The following RALGAPB variants were observed in gnomAD, a reference collection of about 807,000 sequenced individuals.
RALGAPB encodes the protein ral GTPase-activating protein subunit beta.
In RALGAPB, 25 loss-of-function variants were observed where a neutral mutation model predicts 161.1. That is an observed-to-expected ratio of 0.16 (90% CI 0.11 to 0.22). The LOEUF (loss-of-function observed/expected upper bound fraction) is 0.22. Among genes scored for constraint, RALGAPB ranks in the 10% least tolerant of loss-of-function variants. The pLI, the probability that RALGAPB is intolerant of heterozygous loss-of-function variation, is 1.00. For missense variants in RALGAPB, 1,391 were observed against 1,815.2 expected (o/e 0.77, Z 4.25); for synonymous variants, 629 against 626.1 (o/e 1.00, Z -0.07).
Position 38,567,087 on chromosome 20 carries a change from A to T in RALGAPB, c.3818-9A>T. 1 of 1,608,592 alleles carries T rather than the reference A, an allele frequency of 6.2e-7. No homozygotes were observed. The highest frequency in any genetic ancestry group is 8.5e-7 in the Non-Finnish European group (1 of 1,177,812). ...GTATTATAGTTGCTTTTTTTCCTTT[A>T]CCCCATAGCTGATTCATTGGAAAGT... On this transcript the variant is annotated splice_polypyrimidine_tract_variant and intron_variant, in intron 25 of 29. Transcript: ENST00000262879.
chr20:38,572,302 A>G (rs2088270290), intron 28 of RALGAPB, among the ~76,000 whole-genome samples: 1 of 152,252 alleles, frequency 6.6e-6, no homozygotes, highest in Non-Finnish European at 1.5e-5. Flanking sequence ...ATGTATTTGT[A>G]TAGGCTTTGT....
At chr20:38,473,188 C>T in intron 1 of RALGAPB, 119 bp downstream of exon 1, 1 of 310,960 alleles carries the variant, frequency 3.2e-6, no homozygotes, top group Non-Finnish European at 5.9e-6. Flanking sequence ...TCCAGGGGCC[C>T]GGCCTTTGGA....
In RALGAPB at chr20:38,517,585, T is replaced by A; in HGVS notation, c.1131T>A (p.Ser377Arg). Residue 377 changes from serine to arginine, a missense_variant, in exon 8 of 30, where the codon AGT (serine) becomes AGA (arginine). This residue lies in a region of RALGAPB where 946 missense variants were observed against 1,257.2 expected (regional missense o/e 0.75). Coordinates refer to ENST00000262879, the MANE Select transcript of RALGAPB (RefSeq NM_020336.4). ...RLSMPQSAAV[S>R]TTPPHNRRHR... ...GTATGCCTCAAAGTGCTGCTGTCAGTACCACCCCCCCACATAACCGGAGGC... is the reference window on the plus strand; with the variant it reads ...GTATGCCTCAAAGTGCTGCTGTCAGAACCACCCCCCCACATAACCGGAGGC... The A allele has an allele frequency of 6.2e-7, 1 of 1,613,978 alleles. No individual in the cohort carries two copies. Among genetic ancestry groups the A allele is most frequent in the East Asian group, 2.2e-5 (1 of 44,878 alleles).
At position 38,487,840 on chromosome 20, in the gene RALGAPB, G is replaced by A. The variant is rs542129795; in HGVS notation, c.-30-563G>A. Among the ~76,000 whole-genome samples the A allele has an allele frequency of 2.0e-5, 3 of 152,298 alleles. No individual in the cohort carries two copies. In the East Asian group the frequency reaches 5.8e-4, roughly 29 times the overall value. On this transcript the variant is annotated intron_variant, in intron 1 of 29. Coordinates refer to ENST00000262879, the MANE Select transcript of RALGAPB (RefSeq NM_020336.4). ...CCAGCACTTTGGGAGGCTGAGGCGG[G>A]TGGATCACCTGAGGTCGGGAGTTCG...
chr20:38,540,465 T>C (rs535692996), intron 17 of RALGAPB, among the ~76,000 whole-genome samples: 3 of 152,362 alleles, frequency 2.0e-5, no homozygotes, highest in Admixed American at 6.5e-5. Flanking sequence ...GCAGGTGTTA[T>C]AAGGAATTCA....
intron 6 of RALGAPB, among the ~76,000 whole-genome samples, chr20:38,512,610 T>G (rs2085994392): frequency 6.6e-6 from 1 of 152,246 alleles, no homozygotes; most frequent in African/African-American, 2.4e-5. Flanking sequence ...CACTGTTGAA[T>G]TAAAGTGATA....
chr20:38,492,593 G>T (rs766843412), intron 2 of RALGAPB, among the ~76,000 whole-genome samples: 1 of 152,086 alleles, frequency 6.6e-6, no homozygotes, highest in Non-Finnish European at 1.5e-5. Context: ...ACTCTAAAAT[G>T]TTCTATTTTG....
rs761553564 is a variant in RALGAPB, at chr20:38,541,033, G to T, written c.2563-8G>T. 1.2e-6 allele frequency: 2 copies of T among 1,612,556 alleles called. No individual in the cohort carries two copies. The highest frequency in any genetic ancestry group is 4.5e-5 in the East Asian group (2 of 44,878). Reference sequence around the variant, plus strand: ...TTCTAAAAATTGATCTGCCTTTCCTGCTTTTAGGACTGCCTTAAGGAAGTA... The same window carrying T: ...TTCTAAAAATTGATCTGCCTTTCCTTCTTTTAGGACTGCCTTAAGGAAGTA... On this transcript the variant is annotated splice_region_variant and splice_polypyrimidine_tract_variant and intron_variant, in intron 17 of 29. Transcript: ENST00000262879.
chr20:38,512,782 T>C (rs6064643), intron 6 of RALGAPB, among the ~76,000 whole-genome samples: 18,769 of 152,160 alleles, frequency 0.12, 3,208 homozygotes, highest in African/African-American at 0.38. Context: ...TTTTTTGAGA[T>C]GGAGTCTCGC....
chr20:38,490,563 A>G (rs1048861843), intron 2 of RALGAPB, among the ~76,000 whole-genome samples: 3 of 148,410 alleles, frequency 2.0e-5, no homozygotes, highest in African/African-American at 7.5e-5. Context: ...CTGGAGTGCA[A>G]TGTCGCAATC....
chr20:38,567,082 C>G lies in RALGAPB; in HGVS notation c.3818-14C>G. On this transcript the variant is annotated splice_polypyrimidine_tract_variant and intron_variant, in intron 25 of 29. Transcript: ENST00000262879. ...GGTATGTATTATAGTTGCTTTTTTT[C>G]CTTTACCCCATAGCTGATTCATTGG... 7 of 1,607,454 alleles carry G rather than the reference C, an allele frequency of 4.4e-6. No individual in the cohort carries two copies. The highest frequency in any genetic ancestry group is 1.7e-5 in the Admixed American group (1 of 58,876).
intron 13 of RALGAPB, among the ~76,000 whole-genome samples, chr20:38,526,247 C>A (rs534942828): frequency 9.2e-5 from 14 of 152,180 alleles, no homozygotes; most frequent in Admixed American, 7.9e-4. Flanking sequence ...CTTGGTTGGT[C>A]ATTTATTTGT....
intron 5 of RALGAPB, 35 bp downstream of exon 5, chr20:38,499,668 T>C (rs1163023129): frequency 1.3e-6 from 2 of 1,571,160 alleles, no homozygotes; most frequent in Non-Finnish European, 1.7e-6. Flanking sequence ...TTCCTTCACC[T>C]GTCTGACCTT....
intron 9 of RALGAPB, 54 bp downstream of exon 9, chr20:38,518,054 T>A: frequency 6.6e-7 from 1 of 1,507,630 alleles, no homozygotes; most frequent in Non-Finnish European, 9.2e-7. Context: ...CTTTTTCTTT[T>A]TCTTTTTAGT....
chr20:38,562,510 T>C, intron 23 of RALGAPB, 22 bp from the exon 24 acceptor site: 1 of 1,551,332 alleles, frequency 6.4e-7, no homozygotes, highest in South Asian at 1.2e-5. Context: ...TCATTATAGC[T>C]GATGATTGGT....
chr20:38,496,895 T>C (rs1007721865), intron 3 of RALGAPB, among the ~76,000 whole-genome samples: 2 of 152,214 alleles, frequency 1.3e-5, no homozygotes, highest in African/African-American at 2.4e-5. Context: ...TCAGAGGGAC[T>C]ATGAGCACTG....
chr20:38,535,324 A>G (rs2086772578), intron 16 of RALGAPB, 117 bp downstream of exon 16: 3 of 1,249,652 alleles, frequency 2.4e-6, no homozygotes, highest in Non-Finnish European at 3.3e-6. Context: ...AACATAGTTT[A>G]TATTATATCC....
chr20:38,563,787 T>C (rs917920329), intron 24 of RALGAPB, among the ~76,000 whole-genome samples: 5 of 152,214 alleles, frequency 3.3e-5, no homozygotes, highest in African/African-American at 1.2e-4. Flanking sequence ...TGGTTAAGTT[T>C]TTGGTGTCAT....
At chr20:38,532,887 A>G (rs747259076) in intron 15 of RALGAPB, 28 bp downstream of exon 15, 13 of 1,601,340 alleles carry the variant, frequency 8.1e-6, no homozygotes, top group Non-Finnish European at 1.1e-5. Flanking sequence ...TGAAATTCAA[A>G]GTTTAATAGA....
Sources: allele counts gnomAD v4.1 joint callset (sites outside exome capture counted in the v4.1 genomes callset), GRCh38; gene constraint gnomAD v4.1.1; regional missense constraint gnomAD v4.1.1; transcripts MANE v1.5; gene names NCBI Gene and HGNC (gene_info 2026-07-23, HGNC 2026-07-21).